Variants in SEC16A observed in about 807,000 individuals in gnomAD.
The protein encoded by SEC16A is SEC16 homolog A, endoplasmic reticulum export factor.
In SEC16A, 110 loss-of-function variants were observed where a neutral mutation model predicts 221.9. The observed-to-expected ratio is 0.50, with a 90% CI of 0.42 to 0.58. SEC16A has a LOEUF of 0.58. Ranked by LOEUF, SEC16A falls within the 20% of genes least tolerant of loss-of-function variation. The pLI is 0.00. For synonymous variants in SEC16A, 1,393 were observed against 1,257.7 expected, an observed-to-expected ratio of 1.11 and a Z score of -2.28; for missense variants, 3,165 against 3,097.8, an observed-to-expected ratio of 1.02 and a Z score of -0.52.
Position 136,476,360 on chromosome 9 carries a change from CCCA to C in SEC16A, c.1253_1255del (p.Val418del), listed in dbSNP as rs1841629574. 4 of 1,612,832 alleles carry C rather than the reference CCCA, an allele frequency of 2.5e-6. No individual in the cohort carries two copies. The highest frequency in any genetic ancestry group is 3.4e-6 in the Non-Finnish European group (4 of 1,179,892). ...AAGGGCCTGGCAGAGGCTGCCTGCC[CCCA>C]CGTGTGTAGGTGCGGGCGGACGGCC... is the stretch of plus-strand genomic sequence containing the variant. On this transcript the variant is annotated inframe_deletion, in exon 3 of 32. Coordinates refer to ENST00000684901, the MANE Select transcript of SEC16A (RefSeq NM_014866.2).
chr9:136,463,056 T>C lies in SEC16A; in HGVS notation c.4724A>G (p.Asn1575Ser), dbSNP rs367743154. The C allele has an allele frequency of 5.1e-5, 83 of 1,612,588 alleles. No individual in the cohort carries two copies. The highest frequency in any genetic ancestry group is 6.7e-5 in the East Asian group (3 of 44,896). ...CGTGAAATCAATCAGGTTTGCTTCA[T>C]TGGGCGACTTCCCAGGAAGCCACAC... ...RTVWLPGKSP[N>S]EANLIDFTNE... is the part of the protein sequence containing the mutation. The change falls in exon 12 of 32, where the codon AAT becomes AGT. Residue 1575 changes from asparagine to serine, a missense_variant. Asn to Ser is a conservative substitution (Grantham distance 46). Coordinates refer to ENST00000684901, the MANE Select transcript of SEC16A (RefSeq NM_014866.2).
chr9:136,470,972 C>T (rs992131192), intron 4 of SEC16A, among the ~76,000 whole-genome samples: 4 of 152,182 alleles, frequency 2.6e-5, no homozygotes, highest in African/African-American at 9.7e-5. Context: ...ACGCCCACCC[C>T]TCGCAGGGCT....
intron 18 of SEC16A, among the ~76,000 whole-genome samples, 180 bp from the exon 19 acceptor site, chr9:136,456,346 G>A (rs1838665236): frequency 6.6e-6 from 1 of 152,236 alleles, no homozygotes; most frequent in Non-Finnish European, 1.5e-5. Context: ...TGGGTGACTG[G>A]GAAGTTGCTG....
intron 1 of SEC16A, among the ~76,000 whole-genome samples, chr9:136,481,733 G>A (rs571630447): frequency 3.0e-4 from 45 of 152,234 alleles, no homozygotes; most frequent in Middle Eastern, 6.8e-3. Context: ...TCTCCCTCAC[G>A]GTGGCTGCTA....
chr9:136,476,822 T>C lies in SEC16A; in HGVS notation c.794A>G (p.His265Arg), dbSNP rs558843142. 2 of 1,612,278 alleles carry C rather than the reference T, an allele frequency of 1.2e-6. No individual in the cohort carries two copies. The highest frequency in any genetic ancestry group is 2.2e-5 in the South Asian group (2 of 90,966). The stretch of plus-strand genomic sequence containing the variant: ...TGCTGGGGGAGCCACCAGAGGGCTG[T>C]GTTGCTCATGACCAGGGCCCTGATG... ...ILHQGPGHEQHSPLVAPPAAL... is the reference protein window; with the variant it reads ...ILHQGPGHEQRSPLVAPPAAL... The change falls in exon 3 of 32, where the codon CAC becomes CGC. Residue 265 changes from histidine (H) to arginine (R), a missense_variant. Physicochemically the swap from His to Arg is conservative, Grantham distance 29. Around this residue, in one of 3 missense-constraint regions of SEC16A, gnomAD observed 2,030 missense variants for 1,923.1 expected, o/e 1.06. Transcript: ENST00000684901.
In SEC16A at chr9:136,475,502, T is replaced by C; in HGVS notation, c.2114A>G (p.Glu705Gly). 3.1e-6 allele frequency: 5 copies of C among 1,609,580 alleles called. No individual in the cohort carries two copies. Among genetic ancestry groups the C allele is most frequent in the Non-Finnish European group, 4.2e-6 (5 of 1,176,864 alleles). ...CTGGGTCCTGGCTGAAGGCCTCTTC[T>C]CGGGTGCTGGATACACAGTATCCAA... The part of the protein sequence containing the change: ...PPLDTVYPAP[E>G]KRPSARTQGP... Residue 705 changes from glutamate to glycine, a missense_variant, in exon 3 of 32, where the codon GAG becomes GGG. Coordinates refer to ENST00000684901, the MANE Select transcript of SEC16A (RefSeq NM_014866.2). This position sits in a 1 kb window ranked among gnomAD's most constrained non-coding sequence, Gnocchi z 5.0.
intron 20 of SEC16A, 27 bp downstream of exon 20, chr9:136,455,574 G>A (rs1167983535): frequency 5.2e-6 from 8 of 1,523,916 alleles, no homozygotes; most frequent in Non-Finnish European, 5.3e-6. Flanking sequence ...GCTTGTCTGA[G>A]GGCAGCAGCC....
At chr9:136,481,231 G>T (rs1208917166) in intron 1 of SEC16A, among the ~76,000 whole-genome samples, 1 of 151,360 alleles carries the variant, frequency 6.6e-6, no homozygotes, top group Non-Finnish European at 1.5e-5. Context: ...GCCCCCCGGG[G>T]TTCACGCCAT....
In SEC16A at chr9:136,467,325, A is replaced by G. The variant is rs547845697; in HGVS notation, c.3803-242T>C. Among the ~76,000 whole-genome samples, 94 of 152,324 alleles carry G rather than the reference A, an allele frequency of 6.2e-4. 1 individual carries two copies. Among genetic ancestry groups the G allele is most frequent in the Non-Finnish European group, 1.1e-3 (72 of 68,020 alleles). On this transcript the variant is annotated intron_variant, in intron 5 of 31. Coordinates refer to ENST00000684901, the MANE Select transcript of SEC16A (RefSeq NM_014866.2). Reference sequence around the variant, plus strand: ...GTGTTTTAGATTAAAAGGAAAAAATATTTTTAGAAAAGGTGCTAAAAGATT... The same window carrying G: ...GTGTTTTAGATTAAAAGGAAAAAATGTTTTTAGAAAAGGTGCTAAAAGATT...
chr9:136,473,989 A>T, intron 3 of SEC16A, 60 bp downstream of exon 3: 1 of 1,512,786 alleles, frequency 6.6e-7, no homozygotes, highest in Non-Finnish European at 9.0e-7. Context: ...ACTGTGAGTG[A>T]GACTCAACTG....
chr9:136,448,017 G>A (rs945008450), intron 24 of SEC16A, 67 bp downstream of exon 24: 2 of 1,535,028 alleles, frequency 1.3e-6, no homozygotes, highest in African/African-American at 2.7e-5. Context: ...ACTCAGGTCT[G>A]CTCTGAAAGT....
At chr9:136,449,935 G>A (rs565288255) in intron 23 of SEC16A, among the ~76,000 whole-genome samples, 2 of 151,906 alleles carry the variant, frequency 1.3e-5, no homozygotes, top group South Asian at 4.2e-4. Flanking sequence ...CGGGCATGGT[G>A]GCTCACACCT....
In SEC16A at chr9:136,460,201, G is replaced by T. The variant is rs766719922; in HGVS notation, c.4992-78C>A. ...AAGCCGGCCGGACATGATGGCTCACGCCTGTAATCCCAGCACTTTGGGAGG... is the reference window on the plus strand; with the variant it reads ...AAGCCGGCCGGACATGATGGCTCACTCCTGTAATCCCAGCACTTTGGGAGG... On this transcript the variant is annotated intron_variant, in intron 13 of 31. Coordinates refer to ENST00000684901, the MANE Select transcript of SEC16A (RefSeq NM_014866.2). 17 of 1,198,744 alleles carry T rather than the reference G, an allele frequency of 1.4e-5. No homozygotes were observed. The African/African-American group carries it at 1.7e-4, about 12-fold the overall frequency. The allele number at this position is 1,198,744 out of a possible 1,614,324, so 74.3% of individuals were successfully genotyped here.
Position 136,474,574 on chromosome 9 carries a change from A to C in SEC16A, c.3042T>G (p.Ser1014=). The change falls in exon 3 of 32, where the codon TCT becomes TCG. Residue 1014 remains serine, a synonymous_variant. Transcript: ENST00000684901. ...CACTTTGCTGAGAAGCGAGGCTGTC[A>C]GAATGGGACGGGTTGTACACGTTTA... ...NPVNVYNPSH[S]DSLASQQSVA... is the part of the protein sequence containing the mutation. 8 of 1,612,934 alleles carry C rather than the reference A, an allele frequency of 5.0e-6. No homozygotes were observed. The highest frequency in any genetic ancestry group is 6.8e-6 in the Non-Finnish European group (8 of 1,179,832).
chr9:136,459,475 T>C lies in SEC16A; in HGVS notation c.5272A>G (p.Thr1758Ala), dbSNP rs748106572. The C allele has an allele frequency of 6.2e-7, 1 of 1,607,662 alleles. No individual in the cohort carries two copies. The highest frequency in any genetic ancestry group is 8.5e-7 in the Non-Finnish European group (1 of 1,176,796). ...AGFGVYTKKT[T>A]KLVLIGSNHS... Reference sequence around the variant, plus strand: ...TTGGATCCGATTAAGACAAGCTTTGTAGTTTTCTTCGTGTAAACACCAAAT... The same window carrying C: ...TTGGATCCGATTAAGACAAGCTTTGCAGTTTTCTTCGTGTAAACACCAAAT... The change falls in exon 16 of 32, where the codon ACA (threonine) becomes GCA (alanine). Residue 1758 changes from threonine (T) to alanine (A), a missense_variant. This residue lies in a region of SEC16A where 1,088 missense variants were observed against 1,089.6 expected (regional missense o/e 1.00). Coordinates refer to ENST00000684901, the MANE Select transcript of SEC16A (RefSeq NM_014866.2). The surrounding 1 kb of genome is among the most constrained non-coding windows in gnomAD (Gnocchi z 6.1).
At chr9:136,463,377 G>C in intron 11 of SEC16A, 86 bp downstream of exon 11, 1 of 1,536,856 alleles carries the variant, frequency 6.5e-7, no homozygotes, top group South Asian at 1.2e-5. Context: ...CGCGGATCCC[G>C]CCCTGCTCCT....
At chr9:136,462,784 C>G in intron 12 of SEC16A, 103 bp downstream of exon 12, 1 of 1,366,410 alleles carries the variant, frequency 7.3e-7, no homozygotes, top group Non-Finnish European at 9.8e-7. Flanking sequence ...AGCGCGGATG[C>G]TCCCAAGAGG....
Position 136,455,758 on chromosome 9 carries a change from G to C in SEC16A, c.5700C>G (p.Leu1900=), listed in dbSNP as rs1374695629. ...TCGGAGTGCCAGGACACTGCTGCGG[G>C]AGGGCTCCATCCTGATGCCATACTC... ...GAGVWHQDGA[L]PQQCPGTPSS... Residue 1900 remains leucine (L), a synonymous_variant, in exon 20 of 32, where the codon CTC becomes CTG. Coordinates refer to ENST00000684901, the MANE Select transcript of SEC16A (RefSeq NM_014866.2). 12 of 1,601,022 alleles carry C rather than the reference G, an allele frequency of 7.5e-6. No individual in the cohort carries two copies. Among genetic ancestry groups the C allele is most frequent in the Non-Finnish European group, 1.0e-5 (12 of 1,174,204 alleles).
In SEC16A at chr9:136,447,246, G is replaced by C. The variant is rs1018940225; in HGVS notation, c.6678C>G (p.Asn2226Lys). ...ACCTACCTGGGGTTGGCACGAACAAGTTAGAAGGAATTGGGAGTGGCGCGA... is the reference window on the plus strand; with the variant it reads ...ACCTACCTGGGGTTGGCACGAACAACTTAGAAGGAATTGGGAGTGGCGCGA... ...APLAPLPIPS[N>K]LFVPTPDAEE... Residue 2226 changes from asparagine to lysine, a missense_variant, in exon 27 of 32, where the codon AAC (asparagine) becomes AAG (lysine). Coordinates refer to ENST00000684901, the MANE Select transcript of SEC16A (RefSeq NM_014866.2). This position sits in a 1 kb window ranked among gnomAD's most constrained non-coding sequence, Gnocchi z 5.5. 2.7e-5 allele frequency: 43 copies of C among 1,596,526 alleles called. No homozygotes were observed. Among genetic ancestry groups the C allele is most frequent in the Non-Finnish European group, 3.7e-5 (43 of 1,172,338 alleles).
Sources: gnomAD v4.1 joint callset for allele counts (sites outside exome capture counted in the v4.1 genomes callset) on GRCh38, gnomAD v4.1.1 for gene constraint, gnomAD v4.1.1 regional missense constraint, Gnocchi (gnomAD v3.1) non-coding constraint, MANE v1.5 for transcripts, NCBI Gene and HGNC (gene_info 2026-07-23, HGNC 2026-07-21) for gene names.